The following DEXI variants were observed in gnomAD, a reference collection of about 807,000 sequenced individuals.
DEXI encodes the protein Dexi homolog, also known as dexamethasone-induced protein.
DEXI carries 2 observed loss-of-function variants against 2.5 expected under a neutral mutation model. That is an observed-to-expected ratio of 0.81 (90% CI 0.33 to 2.55). The LOEUF is 2.55. DEXI is among the 30% of genes most tolerant of loss of function. The pLI, the probability that DEXI is intolerant of heterozygous loss-of-function variation, is 0.11. For missense variants in DEXI, 108 were observed against 130.3 expected (o/e 0.83, Z 0.83); for synonymous variants, 71 against 68.7 (o/e 1.03, Z -0.17).
chr16:10,931,884 C>CT (rs2040813875), intron 1 of DEXI: 1 of 152,204 alleles, frequency 6.6e-6, no homozygotes. Flanking sequence ...GAGTGAGACT[C>CT]TGTCTCAAAA....
At chr16:10,933,522 C>T (rs2040888155) in intron 1 of DEXI, 1 of 152,348 alleles carries the variant, frequency 6.6e-6, no homozygotes, top group African/African-American at 2.4e-5. Flanking sequence ...GTCACCCACC[C>T]TCTCTGGGCC....
intron 1 of DEXI, chr16:10,932,723 T>C (rs933097608): frequency 2.9e-5 from 4 of 137,438 alleles, no homozygotes; most frequent in Non-Finnish European, 6.2e-5. Context: ...TGAGACAGGG[T>C]CTTGCTTTGT....
rs2040949839 is a variant in DEXI, at chr16:10,934,659, T to C, written c.*150-5100A>G. 1 of 152,198 alleles carries C rather than the reference T, an allele frequency of 6.6e-6. No individual in the cohort carries two copies. The highest frequency in any genetic ancestry group is 1.5e-5 in the Non-Finnish European group (1 of 68,038). 9.4% of individuals were successfully genotyped at this position (152,198 alleles called of 1,614,324 possible). A position where few individuals can be genotyped will look rare whatever the true frequency, so the allele number is the denominator to read the frequency against. On this transcript the variant is annotated intron_variant, in intron 1 of 1. Transcript: ENST00000331808. This position sits in a 1 kb window ranked among gnomAD's most constrained non-coding sequence, Gnocchi z 4.2. ...CTCCCTGGTCTAATGGAACCCTCCT[T>C]GGCGGCTTCACAGGGTGATGCTTGG...
chr16:10,941,415 A>T lies in DEXI; in HGVS notation c.*149+154T>A. Reference sequence around the variant, plus strand: ...CTTTCCAGCCCAAACGAAGGGCTTAAGAGGAGTCTGGCCATTCCTGGCATC... The same window carrying T: ...CTTTCCAGCCCAAACGAAGGGCTTATGAGGAGTCTGGCCATTCCTGGCATC... On this transcript the variant is annotated intron_variant, in intron 1 of 1. Transcript: ENST00000331808. The surrounding 1 kb of genome is among the most constrained non-coding windows in gnomAD (Gnocchi z 6.4). 1.5e-6 allele frequency: 1 copy of T among 656,846 alleles called. No individual in the cohort carries two copies. Among genetic ancestry groups the T allele is most frequent in the Non-Finnish European group, 2.1e-6 (1 of 476,914 alleles). The allele number at this position is 656,846 out of a possible 1,614,324, so 40.7% of individuals were successfully genotyped here.
chr16:10,941,675 G>C lies in DEXI; in HGVS notation c.*43C>G. On this transcript the variant is annotated 3_prime_UTR_variant, in exon 1 of 2. Transcript: ENST00000331808. The surrounding 1 kb of genome is among the most constrained non-coding windows in gnomAD (Gnocchi z 6.4). ...ATCTGGGCGGCTGGTCCAGGGCATG[G>C]GTTGCGGATCGTGTAGGGAAGAGGG... is the stretch of plus-strand genomic sequence containing the variant. 1 of 1,563,426 alleles carries C rather than the reference G, an allele frequency of 6.4e-7. No homozygotes were observed. The highest frequency in any genetic ancestry group is 8.7e-7 in the Non-Finnish European group (1 of 1,151,800).
In DEXI at chr16:10,939,014, T is replaced by G. The variant is rs975035455; in HGVS notation, c.*149+2555A>C. 3.3e-5 allele frequency: 5 copies of G among 152,174 alleles called. No individual in the cohort carries two copies. The highest frequency in any genetic ancestry group is 1.3e-4 in the Admixed American group (2 of 15,278). The allele number at this position is 152,174 out of a possible 1,614,324, so 9.4% of individuals were successfully genotyped here. ...CAAATGCTTGGCTTGGAGACAGGGA[T>G]TTATCTTGGGATCGCAGGCCCTTAG... is the stretch of plus-strand genomic sequence containing the variant. On this transcript the variant is annotated intron_variant, in intron 1 of 1. Coordinates refer to ENST00000331808, the MANE Select transcript of DEXI (RefSeq NM_014015.4). This position sits in a 1 kb window ranked among gnomAD's most constrained non-coding sequence, Gnocchi z 4.9.
At chr16:10,935,308 T>C (rs2040981468) in intron 1 of DEXI, 1 of 152,232 alleles carries the variant, frequency 6.6e-6, no homozygotes, top group South Asian at 2.1e-4. Flanking sequence ...CTTATGATTA[T>C]TTAGAGGAGA....
chr16:10,942,291 C>G lies in DEXI; in HGVS notation c.-286G>C. ...GCTGCCCGGCTCCCTCGTGGCGCCT[C>G]CCTGGCGCTCGCAGGGCCTCGCAGA... On this transcript the variant is annotated 5_prime_UTR_variant, in exon 1 of 2. Coordinates refer to ENST00000331808, the MANE Select transcript of DEXI (RefSeq NM_014015.4). The surrounding 1 kb of genome is among the most constrained non-coding windows in gnomAD (Gnocchi z 5.0). 3.2e-6 allele frequency: 1 copy of G among 315,466 alleles called. No individual in the cohort carries two copies. Among genetic ancestry groups the G allele is most frequent in the South Asian group, 4.1e-5 (1 of 24,492 alleles). The allele number at this position is 315,466 out of a possible 1,614,324, so 19.5% of individuals were successfully genotyped here.
Position 10,942,052 on chromosome 16 carries a change from C to T in DEXI, c.-47G>A, listed in dbSNP as rs954041957. On this transcript the variant is annotated 5_prime_UTR_variant, in exon 1 of 2. Transcript: ENST00000331808. The surrounding 1 kb of genome is among the most constrained non-coding windows in gnomAD (Gnocchi z 5.0). ...GGCCCGGCGATCCCGGCGAACTCAG[C>T]CGCTGCGGCGCCCGGGCGGCCGGCG... 1.5e-6 allele frequency: 2 copies of T among 1,336,150 alleles called. No individual in the cohort carries two copies. Among genetic ancestry groups the T allele is most frequent in the Non-Finnish European group, 1.9e-6 (2 of 1,046,246 alleles). The allele number at this position is 1,336,150 out of a possible 1,614,324, so 82.8% of individuals were successfully genotyped here.
At chr16:10,932,556 A>G (rs1269112099) in intron 1 of DEXI, 2 of 151,994 alleles carry the variant, frequency 1.3e-5, no homozygotes, top group East Asian at 3.9e-4. Context: ...GGGGTATCCA[A>G]TCTTTTGGCT....
At chr16:10,931,166 T>A (rs28488117) in intron 1 of DEXI, 54 of 151,722 alleles carry the variant, frequency 3.6e-4, no homozygotes, top group African/African-American at 1.2e-3. Context: ...CTATAAAAAA[T>A]TTAAAAATTA....
At position 10,941,917 on chromosome 16, in the gene DEXI, T is replaced by C. The variant is rs766875241; in HGVS notation, c.89A>G (p.Tyr30Cys). The C allele has an allele frequency of 1.4e-5, 23 of 1,604,676 alleles. No homozygotes were observed. Among genetic ancestry groups the C allele is most frequent in the Non-Finnish European group, 1.8e-5 (21 of 1,176,738 alleles). Reference protein sequence around the residue: ...VPPPLLPSMFYVGLFFVNVLI... With the variant: ...VPPPLLPSMFCVGLFFVNVLI... ...CACATTGACGAAGAACAGGCCCACG[T>C]AGAACATAGAGGGCAGCAGCGGCGG... Residue 30 changes from tyrosine to cysteine, a missense_variant, in exon 1 of 2, where the codon TAC becomes TGC. By Grantham distance (194) the Tyr-to-Cys change is radical (BLOSUM62 -2). Coordinates refer to ENST00000331808, the MANE Select transcript of DEXI (RefSeq NM_014015.4). This position sits in a 1 kb window ranked among gnomAD's most constrained non-coding sequence, Gnocchi z 6.4.
intron 1 of DEXI, chr16:10,935,018 G>C (rs1011439994): frequency 1.3e-5 from 2 of 152,276 alleles, no homozygotes; most frequent in African/African-American, 4.8e-5. Flanking sequence ...CACTGACCAC[G>C]TCATTCATTA....
In DEXI at chr16:10,942,356, G is replaced by A. The variant is rs1315796452; in HGVS notation, c.-351C>T. On this transcript the variant is annotated 5_prime_UTR_variant, in exon 1 of 2. Transcript: ENST00000331808. The surrounding 1 kb of genome is among the most constrained non-coding windows in gnomAD (Gnocchi z 5.0). Reference sequence around the variant, plus strand: ...CACCGCGGCTCAGTGTCTAGGGCCGGTCCCGGCAGCCTTCTCTCCCGCCCC... The same window carrying A: ...CACCGCGGCTCAGTGTCTAGGGCCGATCCCGGCAGCCTTCTCTCCCGCCCC... 2.0e-5 allele frequency: 4 copies of A among 196,332 alleles called. No homozygotes were observed. The highest frequency in any genetic ancestry group is 4.2e-5 in the Non-Finnish European group (4 of 95,750). The allele number at this position is 196,332 out of a possible 1,614,324, so 12.2% of individuals were successfully genotyped here.
rs963080559 is a variant in DEXI, at chr16:10,939,524, C to T, written c.*149+2045G>A. On this transcript the variant is annotated intron_variant, in intron 1 of 1. Transcript: ENST00000331808. The surrounding 1 kb of genome is among the most constrained non-coding windows in gnomAD (Gnocchi z 4.9). ...GGTTGCGGAAAAACCAACTCTCTCT[C>T]ACCTGAAGGTCTTGGCACCACTGAT... 5.3e-5 allele frequency: 8 copies of T among 152,330 alleles called. No homozygotes were observed. The highest frequency in any genetic ancestry group is 1.2e-4 in the Non-Finnish European group (8 of 68,106). The allele number at this position is 152,330 out of a possible 1,614,324, so 9.4% of individuals were successfully genotyped here.
rs545688698 is a variant in DEXI, at chr16:10,929,161, G to A, written c.*548C>T. 1.9e-4 allele frequency: 183 copies of A among 955,678 alleles called. No individual in the cohort carries two copies. Among genetic ancestry groups the A allele is most frequent in the African/African-American group, 2.1e-4 (12 of 56,710 alleles). 59.2% of individuals were successfully genotyped at this position (955,678 alleles called of 1,614,324 possible). ...CTTCTGAGTCACCCCTGAAACAGTC[G>A]CTGCATCTAAGACCAGCCTCGGGCT... On this transcript the variant is annotated 3_prime_UTR_variant, in exon 2 of 2. Transcript: ENST00000331808. This position sits in a 1 kb window ranked among gnomAD's most constrained non-coding sequence, Gnocchi z 4.3.
At chr16:10,935,485 G>A (rs1175526384) in intron 1 of DEXI, 1 of 152,206 alleles carries the variant, frequency 6.6e-6, no homozygotes, top group Non-Finnish European at 1.5e-5. Context: ...AAGCGATGAT[G>A]ATTTTCTCTT....
Position 10,934,118 on chromosome 16 carries a change from C to T in DEXI, c.*150-4559G>A, listed in dbSNP as rs1003263044. 10 of 152,238 alleles carry T rather than the reference C, an allele frequency of 6.6e-5. No homozygotes were observed. The highest frequency in any genetic ancestry group is 2.4e-4 in the African/African-American group (10 of 41,462). 9.4% of individuals were successfully genotyped at this position (152,238 alleles called of 1,614,324 possible). Reference sequence around the variant, plus strand: ...AGCGGGCTTTGTGAAGATGCCTGGTCTACCACGTGCCTCCAGCTGGTCACG... The same window carrying T: ...AGCGGGCTTTGTGAAGATGCCTGGTTTACCACGTGCCTCCAGCTGGTCACG... On this transcript the variant is annotated intron_variant, in intron 1 of 1. Coordinates refer to ENST00000331808, the MANE Select transcript of DEXI (RefSeq NM_014015.4). This position sits in a 1 kb window ranked among gnomAD's most constrained non-coding sequence, Gnocchi z 4.2.
chr16:10,938,172 A>G lies in DEXI; in HGVS notation c.*149+3397T>C, dbSNP rs964483096. On this transcript the variant is annotated intron_variant, in intron 1 of 1. Coordinates refer to ENST00000331808, the MANE Select transcript of DEXI (RefSeq NM_014015.4). The surrounding 1 kb of genome is among the most constrained non-coding windows in gnomAD (Gnocchi z 4.9). ...TATATCTCACCTAATCCTCACAACA[A>G]GGGAGATTTTCATTATTTCCATCTT... The G allele has an allele frequency of 1.3e-5, 2 of 152,180 alleles. No homozygotes were observed. Among genetic ancestry groups the G allele is most frequent in the African/African-American group, 4.8e-5 (2 of 41,422 alleles). 9.4% of individuals were successfully genotyped at this position (152,180 alleles called of 1,614,324 possible).
Sources: allele counts gnomAD v4.1 joint callset, GRCh38; gene constraint gnomAD v4.1.1; non-coding constraint Gnocchi (gnomAD v3.1); transcripts MANE v1.5; gene names NCBI Gene and HGNC (gene_info 2026-07-23, HGNC 2026-07-21).